The following CENPW variants were observed in gnomAD, a reference collection of about 807,000 sequenced individuals.
CENPW encodes the protein centromere protein W, also known as cancer-up-regulated gene 2 protein.
CENPW carries 3 observed loss-of-function variants against 11.1 expected under a neutral mutation model. That is an observed-to-expected ratio of 0.27 (90% CI 0.12 to 0.70). The LOEUF is 0.70. Among genes scored for constraint, CENPW ranks in the 30% least tolerant of loss-of-function variants. The pLI, the probability that CENPW is intolerant of heterozygous loss-of-function variation, is 0.77. For synonymous variants in CENPW, 38 were observed against 42.0 expected (o/e 0.91, Z 0.37); for missense variants, 100 against 105.6 (o/e 0.95, Z 0.23).
At chr6:126,359,694 ATAGT>A in the CENPW span, among the ~76,000 whole-genome samples, 2 of 151,074 alleles carry the variant, frequency 1.3e-5, no homozygotes, top group African/African-American at 2.4e-5. Flanking sequence ...GTCCTTCCTA[ATAGT>A]TAGTGGTTTA....
At chr6:126,346,363 A>G in intron 2 of CENPW, 45 bp downstream of exon 2, 1 of 1,202,734 alleles carries the variant, frequency 8.3e-7, no homozygotes, top group South Asian at 1.3e-5. Context: ...AAACTTCAAA[A>G]ATAACACTCG....
chr6:126,378,032 C>T, the CENPW span, among the ~76,000 whole-genome samples: 2 of 152,198 alleles, frequency 1.3e-5, no homozygotes, highest in Non-Finnish European at 2.9e-5. Context: ...GACGCTCTCG[C>T]ATCTTTAAAA....
intron 1 of CENPW, 106 bp from the exon 2 acceptor site, chr6:126,346,099 A>G: frequency 1.9e-6 from 1 of 527,824 alleles, no homozygotes; most frequent in Admixed American, 3.3e-5. Flanking sequence ...ACTTAATCAC[A>G]ATGGTAAATA....
chr6:126,396,465 C>G, the CENPW span, among the ~76,000 whole-genome samples: 1 of 152,098 alleles, frequency 6.6e-6, no homozygotes, highest in African/African-American at 2.4e-5. Flanking sequence ...TCCCTCTGTC[C>G]CAGAGAAGGT....
chr6:126,352,862 T>A (rs1445716674), downstream of CENPW, among the ~76,000 whole-genome samples: 1 of 152,126 alleles, frequency 6.6e-6, no homozygotes, highest in Non-Finnish European at 1.5e-5. Flanking sequence ...TTTATTTTCT[T>A]TTGAATTAAC....
chr6:126,479,419 C>G, the CENPW span, among the ~76,000 whole-genome samples: 2 of 151,912 alleles, frequency 1.3e-5, no homozygotes, highest in Non-Finnish European at 2.9e-5. Flanking sequence ...GTGAGATCAT[C>G]TTCACCTTCT....
At chr6:126,359,843 CT>C in the CENPW span, among the ~76,000 whole-genome samples, 1 of 151,262 alleles carries the variant, frequency 6.6e-6, no homozygotes, top group Non-Finnish European at 1.5e-5. Context: ...TGAGATGGGC[CT>C]CTTGAAGACA....
At chr6:126,389,562 C>T in the CENPW span, among the ~76,000 whole-genome samples, 57 of 151,852 alleles carry the variant, frequency 3.8e-4, no homozygotes, top group Non-Finnish European at 5.9e-4. Flanking sequence ...CACACACACA[C>T]GCGTGCACAT....
At chr6:126,477,494 T>G in the CENPW span, among the ~76,000 whole-genome samples, 1 of 151,930 alleles carries the variant, frequency 6.6e-6, no homozygotes, top group Non-Finnish European at 1.5e-5. Flanking sequence ...TTTTAAGAGA[T>G]CTCTGCCAGC....
chr6:126,403,466 T>G, the CENPW span, among the ~76,000 whole-genome samples: 1 of 152,078 alleles, frequency 6.6e-6, no homozygotes, highest in Non-Finnish European at 1.5e-5. Context: ...CAGAAAATTT[T>G]AGTGGTCTGA....
chr6:126,449,945 A>G, the CENPW span, among the ~76,000 whole-genome samples: 1 of 151,056 alleles, frequency 6.6e-6, no homozygotes, highest in Non-Finnish European at 1.5e-5. Context: ...TCAACTTAAT[A>G]GCTTTTTGCA....
the CENPW span, among the ~76,000 whole-genome samples, chr6:126,374,205 G>C: frequency 6.6e-6 from 1 of 152,076 alleles, no homozygotes; most frequent in Non-Finnish European, 1.5e-5. Context: ...AAAATTAATA[G>C]TTTATCAGAG....
chr6:126,473,499 AG>A, the CENPW span, among the ~76,000 whole-genome samples: 1 of 152,096 alleles, frequency 6.6e-6, no homozygotes, highest in African/African-American at 2.4e-5. Flanking sequence ...TGGGAGGCGG[AG>A]GCAGGTGGAT....
At chr6:126,401,344 G>A in the CENPW span, among the ~76,000 whole-genome samples, 308 of 152,052 alleles carry the variant, frequency 2.0e-3, no homozygotes, top group African/African-American at 7.2e-3. Context: ...CTTGGGCTTC[G>A]GAGAGGGTGT....
At chr6:126,421,081 A>G in the CENPW span, among the ~76,000 whole-genome samples, 2 of 152,066 alleles carry the variant, frequency 1.3e-5, no homozygotes, top group African/African-American at 2.4e-5. Context: ...TCCAGTACCA[A>G]GGGATTTGGA....
chr6:126,463,906 T>C, the CENPW span, among the ~76,000 whole-genome samples: 11 of 152,052 alleles, frequency 7.2e-5, no homozygotes, highest in African/African-American at 2.7e-4. Context: ...CTTCCAAAAA[T>C]TTTTAAATAA....
chr6:126,402,092 A>C, the CENPW span, among the ~76,000 whole-genome samples: 2 of 151,900 alleles, frequency 1.3e-5, no homozygotes, highest in Non-Finnish European at 2.9e-5. Context: ...ATTTTTACAG[A>C]TATCTCAGTT....
the CENPW span, among the ~76,000 whole-genome samples, chr6:126,404,453 ACAGTGCTG>A: frequency 1.3e-5 from 2 of 152,084 alleles, no homozygotes; most frequent in Non-Finnish European, 2.9e-5. Flanking sequence ...GCTACTGTGA[ACAGTGCTG>A]CAGTAAACAC....
At chr6:126,373,893 A>G in the CENPW span, among the ~76,000 whole-genome samples, 2 of 152,198 alleles carry the variant, frequency 1.3e-5, no homozygotes, top group African/African-American at 4.8e-5. Flanking sequence ...AACAGCAGAC[A>G]GGGAAGGGAG....
Sources: allele counts gnomAD v4.1 joint callset (sites outside exome capture counted in the v4.1 genomes callset), GRCh38; gene constraint gnomAD v4.1.1; transcripts MANE v1.5; gene names NCBI Gene and HGNC (gene_info 2026-07-23, HGNC 2026-07-21).